ME1: variants seen among roughly 807,000 people sequenced by gnomAD.
The protein encoded by ME1 is malic enzyme 1.
Under a neutral mutation model 66.4 loss-of-function variants are expected in ME1, and 74 were observed. The observed-to-expected ratio is 1.11, with a 90% CI of 0.92 to 1.35. The LOEUF (loss-of-function observed/expected upper bound fraction) is 1.35. Ranked by LOEUF, ME1 falls within the 40% of genes most tolerant of loss-of-function variation. ME1 has a pLI of 0.00. For missense variants in ME1, 750 were observed against 694.1 expected (o/e 1.08, Z -0.90); for synonymous variants, 251 against 235.6 (o/e 1.07, Z -0.60).
chr6:83,385,217 A>C (rs1374277558), intron 3 of ME1, among the ~76,000 whole-genome samples: 1 of 151,962 alleles, frequency 6.6e-6, no homozygotes, highest in Non-Finnish European at 1.5e-5. Context: ...ATTTGGGTAG[A>C]GGATGCAAAG....
intron 1 of ME1, among the ~76,000 whole-genome samples, chr6:83,417,957 C>T (rs1770194025): frequency 6.6e-6 from 1 of 152,194 alleles, no homozygotes; most frequent in Admixed American, 6.5e-5. Context: ...CCACAGACTT[C>T]ATCAACTTTC....
chr6:83,399,719 T>G (rs1489358174), intron 2 of ME1, among the ~76,000 whole-genome samples: 1 of 152,230 alleles, frequency 6.6e-6, no homozygotes, highest in African/African-American at 2.4e-5. Context: ...AAACGTAAAC[T>G]GCTCAGTTCA....
intron 7 of ME1, among the ~76,000 whole-genome samples, 186 bp from the exon 8 acceptor site, chr6:83,239,822 A>G (rs987253540): frequency 6.6e-6 from 1 of 152,092 alleles, no homozygotes; most frequent in Admixed American, 6.6e-5. Flanking sequence ...ATATTTTAAG[A>G]TAGCAGCTTA....
chr6:83,390,116 G>C (rs980024261), intron 3 of ME1, among the ~76,000 whole-genome samples: 3 of 152,012 alleles, frequency 2.0e-5, no homozygotes, highest in African/African-American at 7.2e-5. Flanking sequence ...GGGATACCTA[G>C]CCAGATTTTA....
In ME1 at chr6:83,259,326, G is replaced by A. The variant is rs35004692; in HGVS notation, c.705-5588C>T. 4.9e-3 allele frequency among the ~76,000 whole-genome samples: 746 copies of A among 152,192 alleles called. 4 individuals are homozygous for A. The highest frequency in any genetic ancestry group is 7.4e-3 in the Non-Finnish European group (503 of 68,016). The stretch of plus-strand genomic sequence containing the variant: ...GCTCACTGGGAAAATAGTCTCATTG[G>A]GAAGACAAAAGGATGTAAGCAAATA... On this transcript the variant is annotated intron_variant, in intron 6 of 13. Coordinates refer to ENST00000369705, the MANE Select transcript of ME1 (RefSeq NM_002395.6).
At chr6:83,392,969 T>G (rs1191846821) in intron 3 of ME1, 2 of 845,154 alleles carry the variant, frequency 2.4e-6, no homozygotes, top group Non-Finnish European at 4.0e-6. Flanking sequence ...AGACTATGGA[T>G]GGCTCCTATG....
chr6:83,356,356 G>A (rs143992640), intron 3 of ME1, among the ~76,000 whole-genome samples: 3 of 152,128 alleles, frequency 2.0e-5, no homozygotes, highest in Admixed American at 6.5e-5. Flanking sequence ...TTAAGCCAAC[G>A]CTGAGTTATA....
chr6:83,233,240 G>A (rs1277693549), intron 9 of ME1, among the ~76,000 whole-genome samples: 5 of 151,512 alleles, frequency 3.3e-5, no homozygotes, highest in African/African-American at 9.7e-5. Flanking sequence ...TGTTTTGGAA[G>A]GTTTTTTAAA....
chr6:83,221,567 G>A (rs1790092240), intron 12 of ME1, among the ~76,000 whole-genome samples: 1 of 152,144 alleles, frequency 6.6e-6, no homozygotes, highest in Non-Finnish European at 1.5e-5. Context: ...TGCTGACAGT[G>A]AGGAAAGATA....
chr6:83,333,640 T>A (rs969442387), intron 5 of ME1, among the ~76,000 whole-genome samples: 1 of 152,196 alleles, frequency 6.6e-6, no homozygotes, highest in African/African-American at 2.4e-5. Flanking sequence ...GAAAGTAATA[T>A]GTTGGAGCAT....
intron 6 of ME1, among the ~76,000 whole-genome samples, chr6:83,307,607 ATAT>A (rs1562476420): frequency 3.9e-5 from 6 of 152,248 alleles, no homozygotes; most frequent in Non-Finnish European, 7.4e-5. Flanking sequence ...TAAGTTATAA[ATAT>A]ATCCCCGTCA....
chr6:83,382,709 G>C (rs1769429272), intron 3 of ME1, among the ~76,000 whole-genome samples: 2 of 151,942 alleles, frequency 1.3e-5, no homozygotes, highest in African/African-American at 2.4e-5. Flanking sequence ...ATAGGGAAAG[G>C]TCCAAGGAGC....
intron 3 of ME1, among the ~76,000 whole-genome samples, chr6:83,360,345 C>A (rs1768984257): frequency 1.3e-5 from 2 of 152,190 alleles, no homozygotes; most frequent in Admixed American, 1.3e-4. Context: ...GACAATGGCT[C>A]TGAGCTGACG....
chr6:83,311,295 G>A (rs927072342), intron 6 of ME1, among the ~76,000 whole-genome samples: 6 of 152,256 alleles, frequency 3.9e-5, no homozygotes, highest in Non-Finnish European at 7.4e-5. Flanking sequence ...TAAATTCTGA[G>A]GGTGTTTGAT....
chr6:83,413,338 C>T (rs149406290), intron 1 of ME1, among the ~76,000 whole-genome samples: 209 of 152,264 alleles, frequency 1.4e-3, no homozygotes, highest in African/African-American at 4.8e-3. Flanking sequence ...CAGTGGCTCG[C>T]ACATCCAGCC....
Position 83,229,943 on chromosome 6 carries a change from C to G in ME1, c.1027-1012G>C, listed in dbSNP as rs372948713. 7.2e-5 allele frequency among the ~76,000 whole-genome samples: 11 copies of G among 152,232 alleles called. No homozygotes were observed. In the East Asian group the frequency reaches 9.7e-4, roughly 13 times the overall value. On this transcript the variant is annotated intron_variant, in intron 9 of 13. Coordinates refer to ENST00000369705, the MANE Select transcript of ME1 (RefSeq NM_002395.6). ...GGTCAAGGGATCCTCCCACCTAAGCCTCTCTAGTAGCTGGAACTACAGGCA... is the reference window on the plus strand; with the variant it reads ...GGTCAAGGGATCCTCCCACCTAAGCGTCTCTAGTAGCTGGAACTACAGGCA...
At chr6:83,212,138 T>C (rs757313337) in intron 13 of ME1, 44 bp from the exon 14 acceptor site, 1 of 1,435,770 alleles carries the variant, frequency 7.0e-7, no homozygotes, top group South Asian at 1.4e-5. Context: ...TAAATAGAGG[T>C]AATCATGAGC....
In ME1 at chr6:83,315,418, T is replaced by G. The variant is rs1353611383; in HGVS notation, c.601-5A>C. On this transcript the variant is annotated splice_region_variant and splice_polypyrimidine_tract_variant and intron_variant, in intron 5 of 13. Coordinates refer to ENST00000369705, the MANE Select transcript of ME1 (RefSeq NM_002395.6). ...GAGTGGATCTTTAAGTAACTCCTAT[T>G]AAAAAAAGTTACCATAAAAATAGAA... The G allele has an allele frequency of 1.3e-6, 2 of 1,484,606 alleles. No homozygotes were observed. Among genetic ancestry groups the G allele is most frequent in the African/African-American group, 1.4e-5 (1 of 71,046 alleles). 92.0% of individuals were successfully genotyped at this position (1,484,606 alleles called of 1,614,324 possible).
chr6:83,280,595 C>T (rs1767268828), intron 6 of ME1, among the ~76,000 whole-genome samples: 1 of 152,188 alleles, frequency 6.6e-6, no homozygotes, highest in Admixed American at 6.5e-5. Flanking sequence ...TCTTTTGGAG[C>T]TACTTATATT....
Sources: gnomAD v4.1 joint callset for allele counts (sites outside exome capture counted in the v4.1 genomes callset) on GRCh38, gnomAD v4.1.1 for gene constraint, MANE v1.5 for transcripts, NCBI Gene and HGNC (gene_info 2026-07-23, HGNC 2026-07-21) for gene names.